Variants in KATNAL2 observed in about 807,000 individuals in gnomAD.
KATNAL2 encodes katanin p60 ATPase-containing subunit A-like 2.
A neutral mutation model predicts 76.3 loss-of-function variants in KATNAL2; 52 were observed. That is an observed-to-expected ratio of 0.68 (90% CI 0.55 to 0.86). KATNAL2 has a LOEUF of 0.86. Among genes scored for constraint, KATNAL2 ranks in the 40% least tolerant of loss-of-function variants. The pLI, the probability that KATNAL2 is intolerant of heterozygous loss-of-function variation, is 0.00. For missense variants in KATNAL2, 660 were observed against 668.9 expected (o/e 0.99, Z 0.15); for synonymous variants, 243 against 244.2 (o/e 1.00, Z 0.05).
At chr18:46,949,995 T>C (rs2059502402) in intron 3 of KATNAL2, among the ~76,000 whole-genome samples, 1 of 152,182 alleles carries the variant, frequency 6.6e-6, no homozygotes, top group South Asian at 2.1e-4. Context: ...TGACAAGACC[T>C]ACAAAGCACT....
intron 3 of KATNAL2, among the ~76,000 whole-genome samples, chr18:47,043,101 T>C (rs893201232): frequency 2.6e-5 from 4 of 151,664 alleles, no homozygotes; most frequent in Admixed American, 6.6e-5. Context: ...GTGGCGGGCG[T>C]CTGTAGTCCC....
chr18:46,929,463 A>G (rs1459331691), intron 1 of KATNAL2, among the ~76,000 whole-genome samples: 3 of 151,478 alleles, frequency 2.0e-5, no homozygotes, highest in African/African-American at 7.3e-5. Flanking sequence ...GGCTGATCTC[A>G]AACTCCTGGC....
intron 4 of KATNAL2, among the ~76,000 whole-genome samples, chr18:47,048,241 C>T (rs942358302): frequency 1.8e-4 from 27 of 152,116 alleles, no homozygotes; most frequent in Non-Finnish European, 3.1e-4. Context: ...TTGATATTTT[C>T]CCAAAAAGTC....
At chr18:47,046,567 T>C in intron 4 of KATNAL2, 40 bp downstream of exon 4, 1 of 1,306,584 alleles carries the variant, frequency 7.7e-7, no homozygotes, top group Non-Finnish European at 1.1e-6. Flanking sequence ...TGATTCCTCT[T>C]TCTCTGCTCT....
intron 3 of KATNAL2, among the ~76,000 whole-genome samples, chr18:46,961,491 T>C (rs1384368199): frequency 6.6e-6 from 1 of 152,224 alleles, no homozygotes; most frequent in Non-Finnish European, 1.5e-5. Flanking sequence ...TTATCATTTG[T>C]AGGAGCAAGG....
At chr18:46,939,943 G>A (rs1043194604) in intron 1 of KATNAL2, among the ~76,000 whole-genome samples, 2 of 152,114 alleles carry the variant, frequency 1.3e-5, no homozygotes, top group Admixed American at 6.5e-5. Flanking sequence ...TCTTTGTTTT[G>A]TTGATTATTC....
intron 3 of KATNAL2, among the ~76,000 whole-genome samples, chr18:46,951,416 T>C (rs1217473327): frequency 6.6e-6 from 1 of 151,902 alleles, no homozygotes; most frequent in East Asian, 1.9e-4. Context: ...CTGATTTTTT[T>C]TTTTTTTTTT....
Position 46,932,543 on chromosome 18 carries a change from G to A in KATNAL2, c.-509-13514G>A, listed in dbSNP as rs181709687. 1.9e-3 allele frequency among the ~76,000 whole-genome samples: 292 copies of A among 151,294 alleles called. 2 individuals are homozygous for A. The highest frequency in any genetic ancestry group is 6.8e-3 in the African/African-American group (281 of 41,346). On this transcript the variant is annotated intron_variant, in intron 1 of 17. Coordinates refer to ENST00000683218, the MANE Select transcript of KATNAL2 (RefSeq NM_001387690.1). ...TACAAAAACTAGTTGGCATGGTGCT[G>A]TGCGCCTGTATGCACCGCCACTCAG...
At chr18:47,093,676 C>G (rs903211132) in intron 15 of KATNAL2, among the ~76,000 whole-genome samples, 1 of 151,972 alleles carries the variant, frequency 6.6e-6, no homozygotes, top group South Asian at 2.1e-4. Context: ...CAGGCATATG[C>G]CTGGCTAATT....
chr18:47,059,110 C>T (rs62095426), intron 7 of KATNAL2, among the ~76,000 whole-genome samples: 10,453 of 152,258 alleles, frequency 0.069, 505 homozygotes, highest in East Asian at 0.15. Flanking sequence ...CAAGGAGGTC[C>T]TACGGTTCTG....
intron 3 of KATNAL2, among the ~76,000 whole-genome samples, chr18:47,025,138 C>T (rs1262129335): frequency 6.5e-5 from 7 of 107,770 alleles, no homozygotes; most frequent in Non-Finnish European, 1.9e-5. Context: ...ATGACCTCTG[C>T]TCTTGACTGC....
chr18:47,054,499 C>G, intron 6 of KATNAL2, 61 bp downstream of exon 6: 1 of 1,506,672 alleles, frequency 6.6e-7, no homozygotes, highest in Non-Finnish European at 9.2e-7. Context: ...GAATCCCTTT[C>G]CAGAAGCTTT....
intron 13 of KATNAL2, among the ~76,000 whole-genome samples, chr18:47,073,073 G>A (rs921261065): frequency 1.3e-5 from 2 of 152,082 alleles, no homozygotes; most frequent in African/African-American, 4.8e-5. Context: ...AGACATCACC[G>A]ATTGCCAGAT....
chr18:46,950,586 C>T (rs538801246), intron 3 of KATNAL2, among the ~76,000 whole-genome samples: 10 of 152,176 alleles, frequency 6.6e-5, no homozygotes, highest in African/African-American at 1.9e-4. Flanking sequence ...TGAAAAAAAA[C>T]GAATCTCCTG....
chr18:47,037,099 C>A (rs1344093210), intron 3 of KATNAL2, among the ~76,000 whole-genome samples: 1 of 152,080 alleles, frequency 6.6e-6, no homozygotes, highest in Non-Finnish European at 1.5e-5. Flanking sequence ...AAGCTTAATG[C>A]AAAATTTGGA....
intron 11 of KATNAL2, 41 bp downstream of exon 11, chr18:47,067,160 A>C (rs1354602146): frequency 5.9e-6 from 6 of 1,018,312 alleles, no homozygotes; most frequent in East Asian, 2.5e-5. Flanking sequence ...TCTGTTCACT[A>C]TCCATTGGAC....
chr18:46,948,287 T>C (rs766544576), intron 3 of KATNAL2, among the ~76,000 whole-genome samples: 13 of 151,030 alleles, frequency 8.6e-5, no homozygotes, highest in Non-Finnish European at 1.5e-4. Context: ...ACTTTTTGTA[T>C]TTTTAGTAGA....
At chr18:47,042,955 C>T (rs1409618714) in intron 3 of KATNAL2, among the ~76,000 whole-genome samples, 1 of 152,138 alleles carries the variant, frequency 6.6e-6, no homozygotes, top group African/African-American at 2.4e-5. Flanking sequence ...AGGCTGGGCG[C>T]GGTGGCTCAC....
chr18:46,937,576 G>A (rs1174159196), intron 1 of KATNAL2, among the ~76,000 whole-genome samples: 4 of 151,986 alleles, frequency 2.6e-5, no homozygotes, highest in African/African-American at 9.7e-5. Flanking sequence ...ATATATACAT[G>A]CTTCTAAATT....
Sources: allele counts gnomAD v4.1 joint callset (sites outside exome capture counted in the v4.1 genomes callset), GRCh38; gene constraint gnomAD v4.1.1; transcripts MANE v1.5; gene names NCBI Gene and HGNC (gene_info 2026-07-23, HGNC 2026-07-21).